Variants in STARD7 observed in about 807,000 individuals in gnomAD.
The protein encoded by STARD7 is stAR-related lipid transfer protein 7, mitochondrial.
STARD7 carries 30 observed loss-of-function variants against 45.3 expected under a neutral mutation model. The ratio of observed to expected loss-of-function variants is 0.66; its 90% confidence interval spans 0.50 to 0.90. The LOEUF is 0.90. Ranked by LOEUF, STARD7 falls within the 40% of genes least tolerant of loss-of-function variation. STARD7 has a pLI of 0.00. For synonymous variants in STARD7, 199 were observed against 183.0 expected (o/e 1.09, Z -0.70); for missense variants, 495 against 491.3 (o/e 1.01, Z -0.07).
Position 96,208,643 on chromosome 2 carries a change from C to G in STARD7, c.-209G>C, listed in dbSNP as rs1027977645. 11 of 468,376 alleles carry G rather than the reference C, an allele frequency of 2.3e-5. No individual in the cohort carries two copies. The highest frequency in any genetic ancestry group is 3.7e-5 in the Non-Finnish European group (10 of 269,910). The allele number at this position is 468,376 out of a possible 1,614,324, so 29.0% of individuals were successfully genotyped here. A position where few individuals can be genotyped will look rare whatever the true frequency, so the allele number is the denominator to read the frequency against. Reference sequence around the variant, plus strand: ...GAGAGTCGGTCATGGCAGCAGACGCCGGGATGGCTCCGCGACTGCTACACC... The same window carrying G: ...GAGAGTCGGTCATGGCAGCAGACGCGGGGATGGCTCCGCGACTGCTACACC... On this transcript the variant is annotated 5_prime_UTR_variant, in exon 1 of 8. Transcript: ENST00000337288.
In STARD7 at chr2:96,193,325, C is replaced by G; in HGVS notation, c.577G>C (p.Asp193His). 6.2e-7 allele frequency: 1 copy of G among 1,613,720 alleles called. No homozygotes were observed. The highest frequency in any genetic ancestry group is 1.3e-5 in the African/African-American group (1 of 75,038). Residue 193 changes from aspartate (D) to histidine (H), a missense_variant, in exon 4 of 8, where the codon GAT becomes CAT. By Grantham distance (81) the Asp-to-His change is moderately conservative. Transcript: ENST00000337288. ...ACCTCCAGCTTGATTACCAGGGCATCCCATTTTTTTCTATACTCTGTGTCC... is the reference window on the plus strand; with the variant it reads ...ACCTCCAGCTTGATTACCAGGGCATGCCATTTTTTTCTATACTCTGTGTCC... The part of the protein sequence containing the change: ...QLDTEYRKKW[D>H]ALVIKLEVIE...
Position 96,208,389 on chromosome 2 carries a change from C to A in STARD7, c.46G>T (p.Gly16Cys). ...LLAAWLAGTR[G>C]GGLLALLANQ... is the part of the protein sequence containing the mutation. ...GCCAGAAGCGCCAGCAGGCCCCCGC[C>A]CCGCGTCCCCGCCAGCCAGGCGGCC... Residue 16 changes from glycine to cysteine, a missense_variant, in exon 1 of 8, where the codon GGC becomes TGC. Gly to Cys is a radical substitution (Grantham distance 159, BLOSUM62 -3). Around this residue, in one of 2 missense-constraint regions of STARD7, gnomAD observed 282 missense variants for 220.1 expected, o/e 1.28. Coordinates refer to ENST00000337288, the MANE Select transcript of STARD7 (RefSeq NM_020151.4). 6.8e-7 allele frequency: 1 copy of A among 1,473,604 alleles called. No individual in the cohort carries two copies. The highest frequency in any genetic ancestry group is 8.9e-7 in the Non-Finnish European group (1 of 1,122,070). The allele number at this position is 1,473,604 out of a possible 1,614,324, so 91.3% of individuals were successfully genotyped here.
intron 1 of STARD7, among the ~76,000 whole-genome samples, chr2:96,207,247 G>C (rs1281040885): frequency 6.6e-6 from 1 of 152,340 alleles, no homozygotes; most frequent in East Asian, 1.9e-4. Context: ...TGGAATAACA[G>C]GTTGTTTCCC....
intron 5 of STARD7, among the ~76,000 whole-genome samples, 165 bp downstream of exon 5, chr2:96,192,913 C>G (rs1056060947): frequency 9.2e-5 from 14 of 152,206 alleles, no homozygotes; most frequent in Middle Eastern, 3.2e-3. Context: ...TCCATTCTTT[C>G]TAGACAGTCA....
At chr2:96,196,885 G>A (rs1162977861) in intron 1 of STARD7, among the ~76,000 whole-genome samples, 2 of 151,550 alleles carry the variant, frequency 1.3e-5, no homozygotes, top group East Asian at 3.9e-4. Flanking sequence ...TAACCAACGT[G>A]GAGAAACCCT....
In STARD7 at chr2:96,184,910, C is replaced by T. The variant is rs1683011013; in HGVS notation, c.*1820G>A. On this transcript the variant is annotated 3_prime_UTR_variant, in exon 8 of 8. Transcript: ENST00000337288. ...TTATTCACACATTTGATAAAAATGT[C>T]ACAGTTAGGAGTGAAATCATTACAA... is the stretch of plus-strand genomic sequence containing the variant. 6.6e-6 allele frequency: 1 copy of T among 152,574 alleles called. No homozygotes were observed. Among genetic ancestry groups the T allele is most frequent in the Non-Finnish European group, 1.5e-5 (1 of 68,010 alleles). The allele number at this position is 152,574 out of a possible 1,614,324, so 9.5% of individuals were successfully genotyped here. A position where few individuals can be genotyped will look rare whatever the true frequency, so the allele number is the denominator to read the frequency against.
rs1172431228 is a variant in STARD7 at position 96,208,779 on chromosome 2, A to G, written c.-345T>C. On this transcript the variant is annotated 5_prime_UTR_variant, in exon 1 of 8. Transcript: ENST00000337288. ...GCGCGCGGACAGAAACGAGACAGAC[A>G]GCTCAGGCCCAGCAGCACGCAAGCT... 2.0e-5 allele frequency: 8 copies of G among 406,444 alleles called. No individual in the cohort carries two copies. In the East Asian group the frequency reaches 2.8e-4, roughly 14 times the overall value. The allele number at this position is 406,444 out of a possible 1,614,324, so 25.2% of individuals were successfully genotyped here. A position where few individuals can be genotyped will look rare whatever the true frequency, so the allele number is the denominator to read the frequency against.
chr2:96,195,999 G>C (rs1182364314), intron 1 of STARD7, among the ~76,000 whole-genome samples: 1 of 151,602 alleles, frequency 6.6e-6, no homozygotes, highest in Admixed American at 6.6e-5. Flanking sequence ...TGTAATCCCA[G>C]CTACTCAGGA....
At chr2:96,206,071 T>C (rs1477629502) in intron 1 of STARD7, among the ~76,000 whole-genome samples, 1 of 151,862 alleles carries the variant, frequency 6.6e-6, no homozygotes, top group East Asian at 1.9e-4. Flanking sequence ...GAACCAAGAG[T>C]ATTTCAATTG....
Position 96,208,426 on chromosome 2 carries a change from C to T in STARD7, c.9G>A (p.Pro3=). The part of the protein sequence containing the change: ML[P]RRLLAAWLAG... ...CCAGCCAGGCGGCCAGCAGCCTCCG[C>T]GGGAGCATGCCGCCTCCCGCAGGGC... The change falls in exon 1 of 8, where the codon CCG becomes CCA. Residue 3 remains proline, a synonymous_variant. Transcript: ENST00000337288. The T allele has an allele frequency of 7.2e-7, 1 of 1,383,518 alleles. No homozygotes were observed. The highest frequency in any genetic ancestry group is 9.3e-7 in the Non-Finnish European group (1 of 1,079,770). The allele number at this position is 1,383,518 out of a possible 1,614,324, so 85.7% of individuals were successfully genotyped here. A position where few individuals can be genotyped will look rare whatever the true frequency, so the allele number is the denominator to read the frequency against.
intron 6 of STARD7, 27 bp downstream of exon 6, chr2:96,192,342 T>C (rs1401841176): frequency 2.0e-6 from 3 of 1,514,382 alleles, no homozygotes; most frequent in African/African-American, 2.7e-5. Context: ...CCATGACATG[T>C]TATCTCTTGG....
At position 96,208,229 on chromosome 2, in the gene STARD7, G is replaced by C. The variant is rs145045733; in HGVS notation, c.206C>G (p.Pro69Arg). Reference sequence around the variant, plus strand: ...CGCCATCAAGGCAGAGGCATGGCCAGGACGGCCGTGCAGCCGGCGCCAGAG... The same window carrying C: ...CGCCATCAAGGCAGAGGCATGGCCACGACGGCCGTGCAGCCGGCGCCAGAG... ...GRLWRRLHGR[P>R]GHASALMAAL... The change falls in exon 1 of 8, where the codon CCT (proline) becomes CGT (arginine). Residue 69 changes from proline to arginine, a missense_variant. Coordinates refer to ENST00000337288, the MANE Select transcript of STARD7 (RefSeq NM_020151.4). 5 of 1,612,510 alleles carry C rather than the reference G, an allele frequency of 3.1e-6. No individual in the cohort carries two copies. In the South Asian group the frequency reaches 4.4e-5, roughly 14 times the overall value.
chr2:96,195,101 A>C, intron 2 of STARD7, 94 bp from the exon 3 acceptor site: 1 of 1,143,670 alleles, frequency 8.7e-7, no homozygotes, highest in Non-Finnish European at 1.3e-6. Flanking sequence ...TAAAGTACTA[A>C]GAGATCTTAA....
chr2:96,208,471 C>T lies in STARD7; in HGVS notation c.-37G>A. On this transcript the variant is annotated 5_prime_UTR_variant, in exon 1 of 8. Transcript: ENST00000337288. ...CAGGGCCCGCCGCGAGCTTCCGGGGCCCAAGGAACCAGTCCGGAGGGGCGC... is the reference window on the plus strand; with the variant it reads ...CAGGGCCCGCCGCGAGCTTCCGGGGTCCAAGGAACCAGTCCGGAGGGGCGC... 7.4e-7 allele frequency: 1 copy of T among 1,358,586 alleles called. No individual in the cohort carries two copies. The allele number at this position is 1,358,586 out of a possible 1,614,324, so 84.2% of individuals were successfully genotyped here.
In STARD7 at chr2:96,208,821, C is replaced by G; in HGVS notation, c.-387G>C. The G allele has an allele frequency of 2.5e-6, 1 of 402,252 alleles. No homozygotes were observed. The allele number at this position is 402,252 out of a possible 1,614,324, so 24.9% of individuals were successfully genotyped here. ...ACGCAAGCTCCCGCGCCTTCCGCGA[C>G]TGCCACACGCGCGGCGCGCGCGCAC... On this transcript the variant is annotated 5_prime_UTR_variant, in exon 1 of 8. Coordinates refer to ENST00000337288, the MANE Select transcript of STARD7 (RefSeq NM_020151.4).
rs1683222525 is a variant in STARD7 at position 96,197,064 on chromosome 2, CTCAAA to C, written c.291-1520_291-1516del. On this transcript the variant is annotated intron_variant, in intron 1 of 7. Coordinates refer to ENST00000337288, the MANE Select transcript of STARD7 (RefSeq NM_020151.4). ...CTGGGCAACAAGAGCGAAACTCCGT[CTCAAA>C]ATAAAATAAAATAAAATAAAATAAA... 1.3e-4 allele frequency among the ~76,000 whole-genome samples: 7 copies of C among 54,320 alleles called. 1 individual carries two copies. Among genetic ancestry groups the C allele is most frequent in the Non-Finnish European group, 2.5e-4 (6 of 23,962 alleles). 35.6% of individuals were successfully genotyped at this position (54,320 alleles called of 152,430 possible).
chr2:96,193,308 C>T lies in STARD7; in HGVS notation c.594G>A (p.Lys198=). 6 of 1,613,944 alleles carry T rather than the reference C, an allele frequency of 3.7e-6. No homozygotes were observed. The highest frequency in any genetic ancestry group is 2.5e-6 in the Non-Finnish European group (3 of 1,179,830). The change falls in exon 4 of 8, where the codon AAG becomes AAA. Residue 198 remains lysine (K), a synonymous_variant. Transcript: ENST00000337288. The part of the protein sequence containing the change: ...YRKKWDALVI[K]LEVIERDVVS... ...CCACATCCCTCTCAATCACCTCCAGCTTGATTACCAGGGCATCCCATTTTT... is the reference window on the plus strand; with the variant it reads ...CCACATCCCTCTCAATCACCTCCAGTTTGATTACCAGGGCATCCCATTTTT...
intron 1 of STARD7, among the ~76,000 whole-genome samples, chr2:96,205,186 A>G (rs1398071794): frequency 1.3e-5 from 2 of 152,244 alleles, no homozygotes; most frequent in East Asian, 3.8e-4. Context: ...GTATTAAAAG[A>G]TCTGATTTCT....
chr2:96,185,147 T>C lies in STARD7; in HGVS notation c.*1583A>G, dbSNP rs4826. The stretch of plus-strand genomic sequence containing the variant: ...AAGTTTGGACATAACCCAGGGACTC[T>C]TCCCTGACTTCTGTCAGGTCCTGGA... On this transcript the variant is annotated 3_prime_UTR_variant, in exon 8 of 8. Transcript: ENST00000337288. 22,156 of 152,640 alleles carry C rather than the reference T, an allele frequency of 0.15. 1,787 individuals are homozygous for C. The highest frequency in any genetic ancestry group is 0.24 in the South Asian group (1,144 of 4,816). 9.5% of individuals were successfully genotyped at this position (152,640 alleles called of 1,614,324 possible). A position where few individuals can be genotyped will look rare whatever the true frequency, so the allele number is the denominator to read the frequency against.
Sources: gnomAD v4.1 joint callset for allele counts (sites outside exome capture counted in the v4.1 genomes callset) on GRCh38, gnomAD v4.1.1 for gene constraint, gnomAD v4.1.1 regional missense constraint, MANE v1.5 for transcripts, NCBI Gene and HGNC (gene_info 2026-07-23, HGNC 2026-07-21) for gene names.